The following GABRA3 variants were observed in gnomAD, a reference collection of about 807,000 sequenced individuals.
GABRA3 encodes gamma-aminobutyric acid type A receptor subunit alpha3, also known as gamma-aminobutyric acid receptor subunit alpha-3.
In GABRA3, 10 loss-of-function variants were observed where a neutral mutation model predicts 30.1. That is an observed-to-expected ratio of 0.33 (90% CI 0.20 to 0.56). The LOEUF is 0.56. GABRA3 is among the 20% of genes least tolerant of loss of function. The probability of loss-of-function intolerance (pLI) is 0.89; values close to 1 mark genes in which losing one functional copy is unlikely to be tolerated. For synonymous variants in GABRA3, 151 were observed against 146.8 expected, an observed-to-expected ratio of 1.03 and a Z score of -0.21; for missense variants, 233 against 392.0, an observed-to-expected ratio of 0.59 and a Z score of 3.42.
At chrX:152,216,376 T>C (rs1421913111) in intron 6 of GABRA3, among the ~76,000 whole-genome samples, 2 of 89,613 alleles carry the variant, frequency 2.2e-5, no homozygotes, top group Non-Finnish European at 4.3e-5. Flanking sequence ...AAGAAAATGT[T>C]ATATAATATA....
intron 1 of GABRA3, among the ~76,000 whole-genome samples, chrX:152,436,274 A>G (rs1315469246): frequency 8.9e-6 from 1 of 112,187 alleles, no homozygotes; most frequent in Non-Finnish European, 1.9e-5. Flanking sequence ...TAAAGGATCC[A>G]CAATGCTTTA....
intron 1 of GABRA3, among the ~76,000 whole-genome samples, chrX:152,392,736 CTGTT>C (rs1346193908): frequency 1.8e-5 from 2 of 112,350 alleles, no homozygotes; most frequent in South Asian, 3.7e-4. Context: ...TGATATTTGA[CTGTT>C]TGATCTTGAC....
At chrX:152,373,820 C>T (rs1481970189) in intron 1 of GABRA3, among the ~76,000 whole-genome samples, 1 of 105,619 alleles carries the variant, frequency 9.5e-6, no homozygotes, top group Admixed American at 1.0e-4. Flanking sequence ...ATGTTCCCTG[C>T]CCTGTGTCCA....
chrX:152,397,181 A>T (rs1413141710), intron 1 of GABRA3, among the ~76,000 whole-genome samples: 5 of 111,934 alleles, frequency 4.5e-5, no homozygotes, highest in African/African-American at 1.6e-4. Context: ...GTGAAGGCAT[A>T]TTTGGCTTCT....
chrX:152,239,784 C>G (rs1375532252), intron 5 of GABRA3, among the ~76,000 whole-genome samples: 21 of 104,862 alleles, frequency 2.0e-4, no homozygotes, highest in South Asian at 4.2e-4. Context: ...TTGTTGGTTT[C>G]AAGTCTGTTT....
At chrX:152,223,374 T>A (rs911759780) in intron 6 of GABRA3, among the ~76,000 whole-genome samples, 1 of 112,019 alleles carries the variant, frequency 8.9e-6, no homozygotes, top group Admixed American at 9.5e-5. Flanking sequence ...TATATCATTT[T>A]AAAAATTCCT....
At chrX:152,322,137 A>G (rs1461894805) in intron 3 of GABRA3, among the ~76,000 whole-genome samples, 2 of 112,549 alleles carry the variant, frequency 1.8e-5, no homozygotes, top group East Asian at 5.6e-4. Context: ...TCCATACAAT[A>G]GAATATTATT....
intron 3 of GABRA3, among the ~76,000 whole-genome samples, chrX:152,338,103 G>T (rs374100402): frequency 1.8e-5 from 2 of 111,101 alleles, no homozygotes; most frequent in Non-Finnish European, 3.8e-5. Flanking sequence ...CTGAATAATC[G>T]CCACCCTGTT....
intron 3 of GABRA3, among the ~76,000 whole-genome samples, chrX:152,298,373 C>A (rs191030508): frequency 0.061 from 6,352 of 104,783 alleles, 255 homozygotes; most frequent in African/African-American, 0.12. Flanking sequence ...ATCCCTCCCC[C>A]CTTCCCCCAC....
At chrX:152,238,959 G>A (rs111257808) in intron 5 of GABRA3, among the ~76,000 whole-genome samples, 1 of 110,910 alleles carries the variant, frequency 9.0e-6, no homozygotes, top group Non-Finnish European at 1.9e-5. Context: ...TGGATTCATT[G>A]ATTTTTTGAA....
chrX:152,312,217 A>G (rs1484341460), intron 3 of GABRA3, among the ~76,000 whole-genome samples: 5 of 111,967 alleles, frequency 4.5e-5, no homozygotes, highest in Non-Finnish European at 9.4e-5. Context: ...GAGGCATCAT[A>G]CTGTTCTACT....
chrX:152,350,644 C>G (rs1479106297), intron 2 of GABRA3, among the ~76,000 whole-genome samples: 1 of 111,589 alleles, frequency 9.0e-6, no homozygotes, highest in Non-Finnish European at 1.9e-5. Flanking sequence ...GAACCAACTT[C>G]TTCCACACTC....
chrX:152,304,113 G>A (rs746379881), intron 3 of GABRA3, among the ~76,000 whole-genome samples: 2 of 111,851 alleles, frequency 1.8e-5, no homozygotes, highest in East Asian at 5.7e-4. Flanking sequence ...CTCCTTTAGA[G>A]AAGTGTCCAT....
At chrX:152,215,789 ACAAT>A (rs948693809) in intron 6 of GABRA3, among the ~76,000 whole-genome samples, 1 of 111,683 alleles carries the variant, frequency 9.0e-6, no homozygotes, top group African/African-American at 3.2e-5. Flanking sequence ...AGTAAGTGAA[ACAAT>A]CAACAGAGTG....
At chrX:152,356,368 T>C (rs1940548913) in intron 2 of GABRA3, among the ~76,000 whole-genome samples, 1 of 111,815 alleles carries the variant, frequency 8.9e-6, no homozygotes. Flanking sequence ...AATAAATCAT[T>C]AAAGTTGGAT....
rs773259833 is a variant in GABRA3 at position 152,439,922 on chromosome X, A to G, written c.-27+11224T>C. On this transcript the variant is annotated intron_variant, in intron 1 of 9. Transcript: ENST00000370314. ...TAAGACCTAAAACCATAAAATTCCT[A>G]GAAGAAAACCTAGGCAATACCATTC... 6.2e-5 allele frequency among the ~76,000 whole-genome samples: 7 copies of G among 112,064 alleles called. No homozygotes were observed. The South Asian group carries it at 2.6e-3, about 42-fold the overall frequency.
chrX:152,395,832 G>C (rs1370057343), intron 1 of GABRA3, among the ~76,000 whole-genome samples: 2 of 111,910 alleles, frequency 1.8e-5, no homozygotes, highest in Non-Finnish European at 3.8e-5. Context: ...CATAGAAGTT[G>C]GTCAATCACA....
intron 8 of GABRA3, among the ~76,000 whole-genome samples, chrX:152,193,990 C>T (rs113739198): frequency 1.9e-3 from 207 of 111,878 alleles, no homozygotes; most frequent in African/African-American, 6.4e-3. Flanking sequence ...GGGTGAGACC[C>T]GCCTCAAAAA....
chrX:152,348,382 A>G (rs1304248095), intron 2 of GABRA3, among the ~76,000 whole-genome samples: 1 of 111,932 alleles, frequency 8.9e-6, no homozygotes. Context: ...GAGCAACACT[A>G]AAACATGTCC....
Sources: gnomAD v4.1 joint callset for allele counts (sites outside exome capture counted in the v4.1 genomes callset) on GRCh38, gnomAD v4.1.1 for gene constraint, MANE v1.5 for transcripts, NCBI Gene and HGNC (gene_info 2026-07-23, HGNC 2026-07-21) for gene names.